SPOCK1: variants seen among roughly 807,000 people sequenced by gnomAD.
SPOCK1 encodes SPARC (osteonectin), cwcv and kazal like domains proteoglycan 1.
In SPOCK1, 23 loss-of-function variants were observed where a neutral mutation model predicts 55.3. The ratio of observed to expected loss-of-function variants is 0.42; its 90% CI spans 0.30 to 0.59. The LOEUF (loss-of-function observed/expected upper bound fraction) is 0.59, where lower values mean the gene tolerates loss of function less well. SPOCK1 is among the 20% of genes least tolerant of loss of function. SPOCK1 has a pLI of 0.22. For missense variants in SPOCK1, 499 were observed against 552.5 expected (o/e 0.90, Z 0.97); for synonymous variants, 226 against 221.0 (o/e 1.02, Z -0.20).
intron 2 of SPOCK1, among the ~76,000 whole-genome samples, chr5:137,448,097 A>G (rs2149833844): frequency 6.6e-6 from 1 of 152,110 alleles, no homozygotes; most frequent in Admixed American, 6.5e-5. Context: ...AAAATACAAA[A>G]ATTAGCCGGG....
chr5:137,490,144 C>T (rs188219873), intron 2 of SPOCK1, among the ~76,000 whole-genome samples: 1 of 152,360 alleles, frequency 6.6e-6, no homozygotes, highest in Admixed American at 6.5e-5. Context: ...CAACACATTA[C>T]CCTACCTGCA....
intron 2 of SPOCK1, among the ~76,000 whole-genome samples, chr5:137,415,179 A>T (rs1752304064): frequency 6.6e-6 from 1 of 152,232 alleles, no homozygotes; most frequent in Non-Finnish European, 1.5e-5. Context: ...ATTTATGAAT[A>T]GTTCCTCAAT....
At chr5:137,458,765 A>G (rs1753419156) in intron 2 of SPOCK1, among the ~76,000 whole-genome samples, 1 of 152,196 alleles carries the variant, frequency 6.6e-6, no homozygotes, top group Non-Finnish European at 1.5e-5. Flanking sequence ...TCTGTGGGCA[A>G]AAGGGAAGCA....
At chr5:137,214,638 A>T (rs1458736373) in intron 3 of SPOCK1, among the ~76,000 whole-genome samples, 1 of 152,244 alleles carries the variant, frequency 6.6e-6, no homozygotes, top group Non-Finnish European at 1.5e-5. Flanking sequence ...AGACAAAGGC[A>T]TGAAAAGATA....
intron 3 of SPOCK1, among the ~76,000 whole-genome samples, chr5:137,216,376 CA>C (rs1488462756): frequency 6.6e-6 from 1 of 152,178 alleles, no homozygotes; most frequent in Non-Finnish European, 1.5e-5. Context: ...CTAGTGATAG[CA>C]AATACAAATT....
chr5:137,060,549 T>TG (rs1752377642), intron 6 of SPOCK1, among the ~76,000 whole-genome samples: 1 of 152,140 alleles, frequency 6.6e-6, no homozygotes, highest in Non-Finnish European at 1.5e-5. Context: ...CCTCATGACA[T>TG]GCAATTTATC....
intron 3 of SPOCK1, among the ~76,000 whole-genome samples, chr5:137,176,346 T>C (rs998617038): frequency 3.9e-5 from 6 of 151,948 alleles, no homozygotes; most frequent in Non-Finnish European, 7.4e-5. Context: ...AGCAAGGGGG[T>C]GGTGCCATGA....
chr5:137,171,766 A>C (rs368796661), intron 3 of SPOCK1, among the ~76,000 whole-genome samples: 13 of 152,194 alleles, frequency 8.5e-5, no homozygotes, highest in African/African-American at 2.9e-4. Context: ...AGATCCCACA[A>C]CTAACAATTC....
At chr5:137,018,233 GAAAAAC>G (rs1297791952) in intron 6 of SPOCK1, among the ~76,000 whole-genome samples, 2 of 152,184 alleles carry the variant, frequency 1.3e-5, no homozygotes, top group African/African-American at 4.8e-5. Flanking sequence ...TGCCCAGGTT[GAAAAAC>G]CCTAGTGTAG....
At chr5:137,426,590 T>A (rs936423243) in intron 2 of SPOCK1, among the ~76,000 whole-genome samples, 3 of 152,188 alleles carry the variant, frequency 2.0e-5, no homozygotes, top group Admixed American at 2.0e-4. Flanking sequence ...TCATCTCCCC[T>A]AGAAAAACTC....
At chr5:137,076,598 G>C (rs11740858) in intron 5 of SPOCK1, among the ~76,000 whole-genome samples, 126,195 of 145,396 alleles carry the variant, frequency 0.87, 55,125 homozygotes, top group South Asian at 0.94. Context: ...TTGAATACTG[G>C]ACTGAAAGTA....
intron 2 of SPOCK1, among the ~76,000 whole-genome samples, chr5:137,403,318 G>C (rs1308370806): frequency 1.3e-5 from 2 of 152,068 alleles, no homozygotes; most frequent in Non-Finnish European, 2.9e-5. Context: ...TCATTTTAAG[G>C]GTTAAGCACC....
Position 137,052,523 on chromosome 5 carries a change from A to G in SPOCK1, c.589+15192T>C, listed in dbSNP as rs139684949. On this transcript the variant is annotated intron_variant, in intron 6 of 10. Coordinates refer to ENST00000394945, the MANE Select transcript of SPOCK1 (RefSeq NM_004598.4). ...ACAAGCCATTTTACCCAGAAATTCT[A>G]CTTCTAAAAATGCATCCTATGAAAA... 2.6e-5 allele frequency among the ~76,000 whole-genome samples: 4 copies of G among 152,336 alleles called. No homozygotes were observed. In the East Asian group the frequency reaches 7.7e-4, roughly 29 times the overall value.
At chr5:137,139,636 CA>C (rs1285908306) in intron 4 of SPOCK1, among the ~76,000 whole-genome samples, 1 of 151,982 alleles carries the variant, frequency 6.6e-6, no homozygotes, top group East Asian at 1.9e-4. Context: ...GGTCATGGTA[CA>C]GTGCCGGTGA....
Position 137,006,895 on chromosome 5 carries a change from T to C in SPOCK1, c.590-14295A>G, listed in dbSNP as rs189491150. On this transcript the variant is annotated intron_variant, in intron 6 of 10. Transcript: ENST00000394945. Reference sequence around the variant, plus strand: ...CATCAATACCTAGTTTATTGAGTGCTTTTAGCATGAAGCATTGTTGAATTT... The same window carrying C: ...CATCAATACCTAGTTTATTGAGTGCCTTTAGCATGAAGCATTGTTGAATTT... 2.7e-3 allele frequency among the ~76,000 whole-genome samples: 409 copies of C among 152,324 alleles called. 3 individuals carry two copies. Among genetic ancestry groups the C allele is most frequent in the African/African-American group, 9.4e-3 (389 of 41,578 alleles).
chr5:137,107,745 T>G (rs762151111), intron 5 of SPOCK1, among the ~76,000 whole-genome samples: 17 of 152,144 alleles, frequency 1.1e-4, no homozygotes, highest in Non-Finnish European at 2.1e-4. Flanking sequence ...AAGGAAAGCT[T>G]GTTTGATGAA....
In SPOCK1 at chr5:137,426,371, G is replaced by A. The variant is rs547844528; in HGVS notation, c.186+72002C>T. 2.0e-5 allele frequency among the ~76,000 whole-genome samples: 3 copies of A among 152,326 alleles called. No homozygotes were observed. In the East Asian group the frequency reaches 5.8e-4, roughly 29 times the overall value. ...GCAATGAGAATTCTGGACACCCAAT[G>A]TGAACGCACACCTTTTCAGGAACTC... On this transcript the variant is annotated intron_variant, in intron 2 of 10. Coordinates refer to ENST00000394945, the MANE Select transcript of SPOCK1 (RefSeq NM_004598.4).
intron 6 of SPOCK1, among the ~76,000 whole-genome samples, chr5:136,999,216 T>C (rs1303108439): frequency 3.9e-5 from 6 of 152,210 alleles, no homozygotes; most frequent in Non-Finnish European, 2.9e-5. Flanking sequence ...GCTCCAGGGT[T>C]ACCGCAGCCT....
chr5:137,068,359 G>A (rs1392395817), intron 5 of SPOCK1, among the ~76,000 whole-genome samples: 5 of 152,142 alleles, frequency 3.3e-5, no homozygotes, highest in East Asian at 3.8e-4. Flanking sequence ...TCTTGCTTCC[G>A]TTGTCCAAAA....
Sources: gnomAD v4.1 joint callset for allele counts (sites outside exome capture counted in the v4.1 genomes callset) on GRCh38, gnomAD v4.1.1 for gene constraint, MANE v1.5 for transcripts, NCBI Gene and HGNC (gene_info 2026-07-23, HGNC 2026-07-21) for gene names.